Variants in RIPOR1 observed in about 807,000 individuals in gnomAD.
RIPOR1 encodes the protein rho family-interacting cell polarization regulator 1.
RIPOR1 carries 58 observed loss-of-function variants against 116.5 expected under a neutral mutation model. The observed-to-expected ratio is 0.50, with a 90% CI of 0.40 to 0.62. The LOEUF (loss-of-function observed/expected upper bound fraction) is 0.62, where lower values mean the gene tolerates loss of function less well. Ranked by LOEUF, RIPOR1 falls within the 20% of genes least tolerant of loss-of-function variation. The pLI is 0.00. For missense variants in RIPOR1, 1,372 were observed against 1,586.2 expected (o/e 0.86, Z 2.29); for synonymous variants, 605 against 650.0 (o/e 0.93, Z 1.05).
Position 67,528,896 on chromosome 16 carries a change from C to A in RIPOR1, c.-42C>A. 1 of 187,236 alleles carries A rather than the reference C, an allele frequency of 5.3e-6. No homozygotes were observed. The highest frequency in any genetic ancestry group is 1.2e-5 in the Non-Finnish European group (1 of 86,708). The allele number at this position is 187,236 out of a possible 1,614,324, so 11.6% of individuals were successfully genotyped here. ...GAGCGCAAGGACAGCGCGAGGTCCG[C>A]GCAGCCCAGCGCAGCCATGTGAGTG... On this transcript the variant is annotated 5_prime_UTR_variant, in exon 1 of 22. Coordinates refer to ENST00000042381, the MANE Select transcript of RIPOR1 (RefSeq NM_024519.4).
At position 67,544,715 on chromosome 16, in the gene RIPOR1, C is replaced by G. The variant is rs368859699; in HGVS notation, c.2754C>G (p.Pro918=). The G allele has an allele frequency of 8.1e-6, 13 of 1,613,288 alleles. No individual in the cohort carries two copies. Among genetic ancestry groups the G allele is most frequent in the African/African-American group, 4.0e-5 (3 of 74,952 alleles). ...RLLLKLGTFG[P]LRCQEAWALE... is the part of the protein sequence containing the mutation. ...TCCAGAAACTGGGCACATTTGGGCC[C>G]CTGCGCTGCCAGGAGGCATGGGCCC... The change falls in exon 16 of 22, where the codon CCC becomes CCG. Residue 918 remains proline (P), a synonymous_variant. Coordinates refer to ENST00000042381, the MANE Select transcript of RIPOR1 (RefSeq NM_024519.4). The surrounding 1 kb of genome is among the most constrained non-coding windows in gnomAD (Gnocchi z 5.1).
intron 1 of RIPOR1, among the ~76,000 whole-genome samples, chr16:67,535,513 G>A (rs910683047): frequency 6.6e-6 from 1 of 152,156 alleles, no homozygotes; most frequent in Admixed American, 6.6e-5. Flanking sequence ...AGAAGAGAAG[G>A]TAGGAGGGAG....
intron 1 of RIPOR1, among the ~76,000 whole-genome samples, chr16:67,521,676 T>C (rs1223471324): frequency 6.6e-6 from 1 of 152,084 alleles, no homozygotes; most frequent in Non-Finnish European, 1.5e-5. Flanking sequence ...CAGCTCCCCC[T>C]GGAGGCCGAG....
chr16:67,520,100 G>T (rs1418560337), intron 1 of RIPOR1, among the ~76,000 whole-genome samples: 7 of 143,426 alleles, frequency 4.9e-5, no homozygotes, highest in Non-Finnish European at 1.1e-4. Flanking sequence ...TCTGAGGGCC[G>T]AGTGCAGTGG....
chr16:67,520,927 C>T (rs958199334), intron 1 of RIPOR1, among the ~76,000 whole-genome samples: 1 of 152,068 alleles, frequency 6.6e-6, no homozygotes, highest in Admixed American at 6.5e-5. Context: ...AGCCAAAGGA[C>T]GCTTCAGAAG....
Position 67,537,365 on chromosome 16 carries a change from C to G in RIPOR1, c.-23-1059C>G. ...GCAGACCCCTCGCCCCCCGTCGGTC[C>G]CCTCCCCGAGGGGAACCCCAGTCAC... On this transcript the variant is annotated intron_variant, in intron 1 of 21. Coordinates refer to ENST00000042381, the MANE Select transcript of RIPOR1 (RefSeq NM_024519.4). The surrounding 1 kb of genome is among the most constrained non-coding windows in gnomAD (Gnocchi z 4.6). 1 of 1,227,550 alleles carries G rather than the reference C, an allele frequency of 8.1e-7. No homozygotes were observed. Among genetic ancestry groups the G allele is most frequent in the Non-Finnish European group, 1.0e-6 (1 of 984,384 alleles). 76.0% of individuals were successfully genotyped at this position (1,227,550 alleles called of 1,614,324 possible).
Position 67,545,567 on chromosome 16 carries a change from C to T in RIPOR1, c.3190+33C>T. ...GGTGGCCCTGATCACATAGTGGCCT[C>T]TTGGGGTCTGAGGACATGAGGACAA... On this transcript the variant is annotated intron_variant, in intron 18 of 21. Transcript: ENST00000042381. The surrounding 1 kb of genome is among the most constrained non-coding windows in gnomAD (Gnocchi z 4.8). 6.2e-7 allele frequency: 1 copy of T among 1,611,252 alleles called. No individual in the cohort carries two copies. Among genetic ancestry groups the T allele is most frequent in the South Asian group, 1.1e-5 (1 of 90,852 alleles).
intron 1 of RIPOR1, among the ~76,000 whole-genome samples, chr16:67,534,039 C>T (rs1430218112): frequency 6.8e-6 from 1 of 146,044 alleles, no homozygotes; most frequent in African/African-American, 2.6e-5. Flanking sequence ...AGGCTGGTCT[C>T]GAACTCCTTA....
upstream of RIPOR1, among the ~76,000 whole-genome samples, chr16:67,527,377 T>C (rs1374741589): frequency 6.6e-6 from 1 of 150,744 alleles, no homozygotes; most frequent in Non-Finnish European, 1.5e-5. Flanking sequence ...AGAGGGAGAC[T>C]CCGTCCCCCA....
intron 1 of RIPOR1, among the ~76,000 whole-genome samples, chr16:67,534,754 T>G (rs1250776945): frequency 1.3e-5 from 2 of 152,188 alleles, no homozygotes; most frequent in Non-Finnish European, 2.9e-5. Context: ...TGTCACTGTA[T>G]ATTTTTCATT....
At chr16:67,546,108 C>T (rs1269531567) in intron 20 of RIPOR1, 33 bp from the exon 21 acceptor site, 2 of 1,611,576 alleles carry the variant, frequency 1.2e-6, no homozygotes, top group East Asian at 2.2e-5. Context: ...ATCTGCTCCC[C>T]TGAGCCCACC....
chr16:67,540,020 G>T lies in RIPOR1; in HGVS notation c.415-33G>T. On this transcript the variant is annotated intron_variant, in intron 6 of 21. Transcript: ENST00000042381. This position sits in a 1 kb window ranked among gnomAD's most constrained non-coding sequence, Gnocchi z 4.7. ...TGAGTAACCCCAGAGGTGAGTCTCA[G>T]TCCCCCTACTGTCACCCCACTCACC... 3 of 1,613,974 alleles carry T rather than the reference G, an allele frequency of 1.9e-6. No individual in the cohort carries two copies. The highest frequency in any genetic ancestry group is 2.5e-6 in the Non-Finnish European group (3 of 1,179,904).
chr16:67,533,307 G>C (rs2050709175), intron 1 of RIPOR1, among the ~76,000 whole-genome samples: 2 of 152,176 alleles, frequency 1.3e-5, no homozygotes, highest in South Asian at 4.1e-4. Flanking sequence ...CAGAGGCCTG[G>C]TGCTCAGAAG....
At chr16:67,527,971 C>T (rs1173375624), upstream of RIPOR1, among the ~76,000 whole-genome samples, 27 of 152,014 alleles carry the variant, frequency 1.8e-4, no homozygotes, top group Non-Finnish European at 1.5e-5. Flanking sequence ...CTCTTACTGT[C>T]CCTGAAACCA....
At chr16:67,523,383 G>A (rs1373349441) in intron 1 of RIPOR1, among the ~76,000 whole-genome samples, 9 of 151,724 alleles carry the variant, frequency 5.9e-5, no homozygotes, top group Non-Finnish European at 8.8e-5. Flanking sequence ...AAAATTAGCC[G>A]GGCATGGTGG....
intron 1 of RIPOR1, among the ~76,000 whole-genome samples, chr16:67,519,308 C>T (rs2050473966): frequency 6.6e-6 from 1 of 151,826 alleles, no homozygotes; most frequent in Non-Finnish European, 1.5e-5. Context: ...CTTCAGGGCC[C>T]ACCCTGTGCA....
rs1236555026 is a variant in RIPOR1 at position 67,545,595 on chromosome 16, C to T, written c.3190+61C>T. ...GGGGTCTGAGGACATGAGGACAAGC[C>T]CTCCCCAACCTCGGGGGCTCCTCAC... On this transcript the variant is annotated intron_variant, in intron 18 of 21. Coordinates refer to ENST00000042381, the MANE Select transcript of RIPOR1 (RefSeq NM_024519.4). This position sits in a 1 kb window ranked among gnomAD's most constrained non-coding sequence, Gnocchi z 4.8. 8.2e-6 allele frequency: 13 copies of T among 1,590,384 alleles called. No individual in the cohort carries two copies. The highest frequency in any genetic ancestry group is 1.1e-5 in the South Asian group (1 of 88,728).
At chr16:67,539,936 GT>G in intron 6 of RIPOR1, 37 bp downstream of exon 6, 1 of 1,614,090 alleles carries the variant, frequency 6.2e-7, no homozygotes. Flanking sequence ...GGGGTGGGGG[GT>G]TGGATATCAT....
At chr16:67,536,180 G>T (rs1200420780) in intron 1 of RIPOR1, among the ~76,000 whole-genome samples, 1 of 152,226 alleles carries the variant, frequency 6.6e-6, no homozygotes, top group Non-Finnish European at 1.5e-5. Context: ...GGGCGCGGTG[G>T]CTCATGCCTG....
Sources: allele counts gnomAD v4.1 joint callset (sites outside exome capture counted in the v4.1 genomes callset), GRCh38; gene constraint gnomAD v4.1.1; non-coding constraint Gnocchi (gnomAD v3.1); transcripts MANE v1.5; gene names NCBI Gene and HGNC (gene_info 2026-07-23, HGNC 2026-07-21).